Variants in PCDH15 observed in about 807,000 individuals in gnomAD.
PCDH15 encodes protocadherin related 15.
PCDH15 carries 129 observed loss-of-function variants against 178.5 expected under a neutral mutation model. The observed-to-expected ratio is 0.72, with a 90% CI of 0.63 to 0.84. The LOEUF is 0.84. PCDH15 is among the 40% of genes least tolerant of loss of function. The pLI, the probability that PCDH15 is intolerant of heterozygous loss-of-function variation, is 0.00. For missense variants in PCDH15, 2,230 were observed against 2,099.9 expected (o/e 1.06, Z -1.21); for synonymous variants, 800 against 732.0 (o/e 1.09, Z -1.50).
intron 2 of PCDH15, among the ~76,000 whole-genome samples, chr10:54,948,419 T>A (rs534074262): frequency 6.6e-6 from 1 of 151,954 alleles, no homozygotes; most frequent in East Asian, 1.9e-4. Context: ...AATGTGATGA[T>A]TAATTTTCTG....
At chr10:53,880,461 A>G (rs1054994705) in intron 26 of PCDH15, among the ~76,000 whole-genome samples, 1 of 152,224 alleles carries the variant, frequency 6.6e-6, no homozygotes, top group Non-Finnish European at 1.5e-5. Context: ...TAATTTCTAA[A>G]TTTAATGGAA....
At chr10:53,913,441 A>G (rs1052904736) in intron 25 of PCDH15, among the ~76,000 whole-genome samples, 4 of 152,128 alleles carry the variant, frequency 2.6e-5, no homozygotes, top group African/African-American at 9.7e-5. Context: ...TAGTTAAAAT[A>G]AAGAGCTTCT....
In PCDH15 at chr10:55,139,930, A is replaced by T. The variant is rs143082244; in HGVS notation, c.-80+26646T>A. ...AGACATTGTGTCTATAATTATTTAGATCTTTGATTTCTTCCATCAAAATTT... is the reference window on the plus strand; with the variant it reads ...AGACATTGTGTCTATAATTATTTAGTTCTTTGATTTCTTCCATCAAAATTT... On this transcript the variant is annotated intron_variant, in intron 2 of 5. Transcript: ENST00000458638. Among the ~76,000 whole-genome samples, 324 of 152,056 alleles carry T rather than the reference A, an allele frequency of 2.1e-3. 1 individual carries two copies. The highest frequency in any genetic ancestry group is 3.1e-3 in the Non-Finnish European group (210 of 67,850).
chr10:54,454,596 A>G (rs2136341510), intron 3 of PCDH15, among the ~76,000 whole-genome samples: 1 of 152,094 alleles, frequency 6.6e-6, no homozygotes, highest in Admixed American at 6.6e-5. Context: ...ACATAAATGT[A>G]CATACATGGT....
chr10:55,444,297 GA>G (rs1412221973), intron 2 of PCDH15, among the ~76,000 whole-genome samples: 2 of 131,868 alleles, frequency 1.5e-5, no homozygotes, highest in Non-Finnish European at 3.2e-5. Context: ...AAAAAAAAAA[GA>G]AAACAAGAGT....
At chr10:53,872,005 C>T (rs11003894) in intron 26 of PCDH15, among the ~76,000 whole-genome samples, 3,131 of 152,230 alleles carry the variant, frequency 0.021, 101 homozygotes, top group East Asian at 0.13. Context: ...ATTAGCCAGG[C>T]ATGGCTTCCC....
chr10:54,933,475 T>A (rs1382593831), intron 2 of PCDH15, among the ~76,000 whole-genome samples: 4 of 151,800 alleles, frequency 2.6e-5, no homozygotes, highest in African/African-American at 7.3e-5. Flanking sequence ...AGATTCAAGT[T>A]CATTTCCTAC....
At chr10:54,002,611 T>C (rs2926402) in intron 20 of PCDH15, among the ~76,000 whole-genome samples, 2,199 of 152,160 alleles carry the variant, frequency 0.014, 45 homozygotes, top group African/African-American at 0.05. Context: ...ATGAGGAAAT[T>C]GATAAGAAAA....
chr10:53,962,415 T>C (rs1425447846), intron 21 of PCDH15, among the ~76,000 whole-genome samples: 5 of 152,146 alleles, frequency 3.3e-5, no homozygotes, highest in Non-Finnish European at 7.4e-5. Flanking sequence ...GGAATGGACA[T>C]GAAAGCTAAA....
intron 32 of PCDH15, chr10:53,823,543 T>G: frequency 2.7e-6 from 2 of 736,282 alleles, no homozygotes; most frequent in Non-Finnish European, 5.0e-6. Flanking sequence ...GGCAGAAAAA[T>G]CTTAGAGTTG....
At position 55,378,854 on chromosome 10, in the gene PCDH15, CCTTT is replaced by C. The variant is rs577980235; in HGVS notation, c.-155-212207_-155-212204del. On this transcript the variant is annotated intron_variant, in intron 2 of 5. Coordinates refer to the PCDH15 transcript ENST00000613346. Reference sequence around the variant, plus strand: ...TTTCTCTTTCTCTTTTCCCTCTCTTCCTTTCTTTGTGTAACTCTCCCCATCTCTC... The same window carrying C: ...TTTCTCTTTCTCTTTTCCCTCTCTTCCTTTGTGTAACTCTCCCCATCTCTC... Among the ~76,000 whole-genome samples the C allele has an allele frequency of 8.9e-5, 13 of 146,142 alleles. No homozygotes were observed. In the South Asian group the frequency reaches 2.4e-3, roughly 27 times the overall value.
intron 1 of PCDH15, among the ~76,000 whole-genome samples, chr10:55,313,732 T>G (rs1241807993): frequency 6.6e-6 from 1 of 152,194 alleles, no homozygotes; most frequent in African/African-American, 2.4e-5. Flanking sequence ...AGACTTCTAT[T>G]TACCTGGGAA....
intron 24 of PCDH15, 141 bp downstream of exon 24, chr10:53,940,723 TAC>T: frequency 2.9e-6 from 2 of 693,348 alleles, no homozygotes; most frequent in South Asian, 3.3e-5. Context: ...GAGTTCAGGA[TAC>T]ATGGTTAACA....
At position 54,343,447 on chromosome 10, in the gene PCDH15, T is replaced by G. The variant is rs145992993; in HGVS notation, c.594+2918A>C. 2.0e-3 allele frequency among the ~76,000 whole-genome samples: 309 copies of G among 152,316 alleles called. 4 individuals are homozygous for G. Among genetic ancestry groups the G allele is most frequent in the African/African-American group, 6.7e-3 (277 of 41,572 alleles). On this transcript the variant is annotated intron_variant, in intron 6 of 37. Coordinates refer to ENST00000644397, the MANE Select transcript of PCDH15 (RefSeq NM_001384140.1). ...CAGCCATTTGGAACTGTGAGTCATT[T>G]AAAATTATTTTATTATAAATTACCC...
At chr10:55,359,174 G>A (rs1845156985) in intron 2 of PCDH15, among the ~76,000 whole-genome samples, 1 of 151,678 alleles carries the variant, frequency 6.6e-6, no homozygotes, top group African/African-American at 2.4e-5. Flanking sequence ...CCCAGCCTGG[G>A]TGACAGAGTG....
At chr10:54,968,883 A>T (rs1260405341) in intron 2 of PCDH15, among the ~76,000 whole-genome samples, 2 of 151,952 alleles carry the variant, frequency 1.3e-5, no homozygotes, top group African/African-American at 2.4e-5. Flanking sequence ...TTTTCTTCAA[A>T]CGTGTTTATT....
At chr10:55,287,536 A>G (rs1353979576) in intron 1 of PCDH15, among the ~76,000 whole-genome samples, 3 of 152,006 alleles carry the variant, frequency 2.0e-5, no homozygotes, top group African/African-American at 7.2e-5. Flanking sequence ...CAGGTGGACT[A>G]TGTTCAATGC....
At chr10:54,160,140 A>G (rs116204806) in intron 13 of PCDH15, among the ~76,000 whole-genome samples, 1,705 of 152,256 alleles carry the variant, frequency 0.011, 35 homozygotes, top group African/African-American at 0.039. Context: ...GGCAGGGAGC[A>G]TAGATGTCCT....
At chr10:54,666,776 C>T (rs2094578994) in intron 1 of PCDH15, among the ~76,000 whole-genome samples, 1 of 151,914 alleles carries the variant, frequency 6.6e-6, no homozygotes, top group Non-Finnish European at 1.5e-5. Flanking sequence ...GACAAAAGGA[C>T]ATAGTTGTGT....
Sources: allele counts gnomAD v4.1 joint callset (sites outside exome capture counted in the v4.1 genomes callset), GRCh38; gene constraint gnomAD v4.1.1; transcripts MANE v1.5; gene names NCBI Gene and HGNC (gene_info 2026-07-23, HGNC 2026-07-21).